The following DIS3L2 variants were observed in gnomAD, a reference collection of about 807,000 sequenced individuals.
DIS3L2 encodes DIS3-like exonuclease 2.
A neutral mutation model predicts 97.5 loss-of-function variants in DIS3L2; 34 were observed. The ratio of observed to expected loss-of-function variants is 0.35; its 90% CI spans 0.27 to 0.46. DIS3L2 has a LOEUF of 0.46. Among genes scored for constraint, DIS3L2 ranks in the 20% least tolerant of loss-of-function variants. The pLI is 1.00. For missense variants in DIS3L2, 1,038 were observed against 1,146.0 expected (o/e 0.91, Z 1.36); for synonymous variants, 435 against 445.2 (o/e 0.98, Z 0.29).
At chr2:232,311,729 T>C (rs778807086) in intron 14 of DIS3L2, among the ~76,000 whole-genome samples, 6 of 152,254 alleles carry the variant, frequency 3.9e-5, no homozygotes, top group Non-Finnish European at 8.8e-5. Flanking sequence ...ATATTCTCTT[T>C]TGTGCCCAGC....
intron 6 of DIS3L2, among the ~76,000 whole-genome samples, chr2:232,122,004 G>A (rs1313462485): frequency 6.6e-6 from 1 of 152,128 alleles, no homozygotes; most frequent in African/African-American, 2.4e-5. Context: ...TCCTAAATCT[G>A]TTCCCTGTTC....
At chr2:232,134,982 G>C (rs1319785267) in intron 7 of DIS3L2, among the ~76,000 whole-genome samples, 1 of 152,142 alleles carries the variant, frequency 6.6e-6, no homozygotes, top group Non-Finnish European at 1.5e-5. Flanking sequence ...TAGAAGTCTT[G>C]ATGTGGTGAA....
At chr2:232,157,637 T>C (rs1240623967) in intron 8 of DIS3L2, among the ~76,000 whole-genome samples, 4 of 152,196 alleles carry the variant, frequency 2.6e-5, no homozygotes, top group Non-Finnish European at 4.4e-5. Flanking sequence ...AGTGGAGGAA[T>C]TACTGCCTTT....
At chr2:232,052,466 C>G (rs1379743530) in intron 5 of DIS3L2, among the ~76,000 whole-genome samples, 3 of 152,150 alleles carry the variant, frequency 2.0e-5, no homozygotes, top group Non-Finnish European at 4.4e-5. Flanking sequence ...AGACTGGAGT[C>G]TTTTAGGTTT....
chr2:232,262,491 CT>C (rs1385237550), intron 12 of DIS3L2, among the ~76,000 whole-genome samples: 4 of 152,232 alleles, frequency 2.6e-5, no homozygotes, highest in Non-Finnish European at 5.9e-5. Flanking sequence ...CAGCTTTCCC[CT>C]AGAAGACATT....
intron 14 of DIS3L2, among the ~76,000 whole-genome samples, chr2:232,321,098 C>T (rs1002360293): frequency 2.0e-5 from 3 of 152,134 alleles, no homozygotes; most frequent in African/African-American, 4.8e-5. Context: ...CATGAGGAGG[C>T]CCCAAAGAGT....
chr2:232,329,203 T>C (rs1695660728), intron 14 of DIS3L2: 1 of 152,472 alleles, frequency 6.6e-6, no homozygotes, highest in African/African-American at 2.4e-5. Flanking sequence ...TGCCTCAGAC[T>C]GTCCTGTCTA....
intron 1 of DIS3L2, among the ~76,000 whole-genome samples, chr2:231,993,088 C>G (rs1030727825): frequency 6.6e-6 from 1 of 152,208 alleles, no homozygotes; most frequent in Non-Finnish European, 1.5e-5. Context: ...ACTTTTGTGT[C>G]CAGCTGCCTG....
chr2:232,338,199 A>C (rs1696026675), downstream of DIS3L2, among the ~76,000 whole-genome samples: 1 of 151,938 alleles, frequency 6.6e-6, no homozygotes, highest in African/African-American at 2.4e-5. Flanking sequence ...CCACCCTCTG[A>C]GGAGCAGTGG....
intron 8 of DIS3L2, among the ~76,000 whole-genome samples, chr2:232,137,955 G>C (rs573610314): frequency 1.3e-5 from 2 of 152,306 alleles, no homozygotes; most frequent in South Asian, 4.2e-4. Context: ...AGTAACGGTT[G>C]TGCCACCTGG....
At position 232,276,111 on chromosome 2, in the gene DIS3L2, G is replaced by T. The variant is rs1024023477; in HGVS notation, c.1659+12671G>T. ...GAGATGAGGGCAACACCCAGGGAGG[G>T]AATCCCAACAGGTTTCTTATCTGCT... On this transcript the variant is annotated intron_variant, in intron 13 of 20. Coordinates refer to ENST00000325385, the MANE Select transcript of DIS3L2 (RefSeq NM_152383.5). This position sits in a 1 kb window ranked among gnomAD's most constrained non-coding sequence, Gnocchi z 4.4. Among the ~76,000 whole-genome samples the T allele has an allele frequency of 1.3e-5, 2 of 152,214 alleles. No individual in the cohort carries two copies. Among genetic ancestry groups the T allele is most frequent in the African/African-American group, 4.8e-5 (2 of 41,454 alleles).
In DIS3L2 at chr2:232,329,790, CCCA is replaced by C; in HGVS notation, c.1740-22_1740-20del. ...CTGTCCCCAAACCCCAGCGGTCCCTCCCATCCCACCCACCCTCTGCAGGCTCGT... is the reference window on the plus strand; with the variant it reads ...CTGTCCCCAAACCCCAGCGGTCCCTCTCCCACCCACCCTCTGCAGGCTCGT... On this transcript the variant is annotated intron_variant, in intron 14 of 20. Transcript: ENST00000325385. 2 of 315,332 alleles carry C rather than the reference CCCA, an allele frequency of 6.3e-6. No individual in the cohort carries two copies. Among genetic ancestry groups the C allele is most frequent in the Non-Finnish European group, 1.3e-5 (2 of 158,970 alleles). 19.5% of individuals were successfully genotyped at this position (315,332 alleles called of 1,614,324 possible). A position where few individuals can be genotyped will look rare whatever the true frequency, so the allele number is the denominator to read the frequency against.
Position 232,264,276 on chromosome 2 carries a change from G to A in DIS3L2, c.1659+836G>A, listed in dbSNP as rs1693797919. On this transcript the variant is annotated intron_variant, in intron 13 of 20. Transcript: ENST00000325385. ...CTGGTTCCTAACAGGTCATGGACCAGTATGGCCCATGGCCCGGCAGTTAGG... is the reference window on the plus strand; with the variant it reads ...CTGGTTCCTAACAGGTCATGGACCAATATGGCCCATGGCCCGGCAGTTAGG... Among the ~76,000 whole-genome samples, 3 of 152,348 alleles carry A rather than the reference G, an allele frequency of 2.0e-5. No homozygotes were observed. The South Asian group carries it at 6.2e-4, about 32-fold the overall frequency.
chr2:232,329,785 T>TACCCGGGGGGGGCCCCCC, intron 14 of DIS3L2, 28 bp from the exon 15 acceptor site: 1 of 967,142 alleles, frequency 1.0e-6, no homozygotes, highest in East Asian at 3.1e-5. Flanking sequence ...ACCCCAGCGG[T>TACCCGGGGGGGGCCCCCC]CCCTCCCATC....
At chr2:231,979,882 T>C (rs979096694) in intron 1 of DIS3L2, among the ~76,000 whole-genome samples, 3 of 152,098 alleles carry the variant, frequency 2.0e-5, no homozygotes, top group African/African-American at 7.2e-5. Flanking sequence ...GGCCTATTTT[T>C]TATGTGTAGT....
In DIS3L2 at chr2:232,336,588, G is replaced by GGAGGAGTCTGACGGTGAGCCC. The variant is rs757955623; in HGVS notation, c.2622_2642dup (p.Glu874_Glu880dup). 17 of 1,608,528 alleles carry GGAGGAGTCTGACGGTGAGCCC rather than the reference G, an allele frequency of 1.1e-5. No homozygotes were observed. In the African/African-American group the frequency reaches 1.5e-4, roughly 14 times the overall value. On this transcript the variant is annotated inframe_insertion, in exon 21 of 21. Transcript: ENST00000325385. Reference sequence around the variant, plus strand: ...GCCACCTGGGCCCTGAGAAGGAGGAGGAGGAGTCTGACGGTGAGCCCGAGG... The same window carrying GGAGGAGTCTGACGGTGAGCCC: ...GCCACCTGGGCCCTGAGAAGGAGGAGGAGGAGTCTGACGGTGAGCCCGAGGAGTCTGACGGTGAGCCCGAGG...
At chr2:232,085,814 TA>T (rs1470338659) in intron 5 of DIS3L2, among the ~76,000 whole-genome samples, 2 of 152,110 alleles carry the variant, frequency 1.3e-5, no homozygotes, top group African/African-American at 2.4e-5. Context: ...TATTTTATTT[TA>T]TTTTTTTTAG....
chr2:232,026,945 G>A (rs768049857), intron 4 of DIS3L2, among the ~76,000 whole-genome samples: 5 of 152,100 alleles, frequency 3.3e-5, no homozygotes, highest in South Asian at 2.1e-4. Context: ...TGCTTGAGTC[G>A]TAATATTGTC....
intron 5 of DIS3L2, among the ~76,000 whole-genome samples, chr2:232,068,282 T>C (rs1475160428): frequency 6.6e-6 from 1 of 151,794 alleles, no homozygotes; most frequent in Non-Finnish European, 1.5e-5. Context: ...CATCAATATA[T>C]GAGGGTGGGC....
Sources: allele counts gnomAD v4.1 joint callset (sites outside exome capture counted in the v4.1 genomes callset), GRCh38; gene constraint gnomAD v4.1.1; non-coding constraint Gnocchi (gnomAD v3.1); transcripts MANE v1.5; gene names NCBI Gene and HGNC (gene_info 2026-07-23, HGNC 2026-07-21).